Variants in KCNIP4 observed in about 807,000 individuals in gnomAD.
KCNIP4 encodes the protein Kv channel-interacting protein 4.
In KCNIP4, 12 loss-of-function variants were observed where a neutral mutation model predicts 34.0. The observed-to-expected ratio is 0.35, with a 90% CI of 0.23 to 0.57. The LOEUF (loss-of-function observed/expected upper bound fraction) is 0.57. Ranked by LOEUF, KCNIP4 falls within the 20% of genes least tolerant of loss-of-function variation. The pLI, the probability that KCNIP4 is intolerant of heterozygous loss-of-function variation, is 0.83. For synonymous variants in KCNIP4, 124 were observed against 102.2 expected, an observed-to-expected ratio of 1.21 and a Z score of -1.29; for missense variants, 238 against 311.7, an observed-to-expected ratio of 0.76 and a Z score of 1.78.
At chr4:21,578,700 G>A (rs762325420) in intron 1 of KCNIP4, among the ~76,000 whole-genome samples, 35 of 152,250 alleles carry the variant, frequency 2.3e-4, no homozygotes, top group Non-Finnish European at 4.7e-4. Flanking sequence ...TATAATGCTA[G>A]TATTTAATCA....
intron 1 of KCNIP4, among the ~76,000 whole-genome samples, chr4:20,927,171 G>T (rs962189470): frequency 6.6e-6 from 1 of 152,178 alleles, no homozygotes; most frequent in East Asian, 1.9e-4. Context: ...TAGAGACAGG[G>T]TTTTACCATA....
At chr4:21,857,679 T>C (rs980252780) in intron 1 of KCNIP4, among the ~76,000 whole-genome samples, 15 of 152,214 alleles carry the variant, frequency 9.9e-5, no homozygotes, top group African/African-American at 3.4e-4. Flanking sequence ...ATAAAGCTCC[T>C]CTTTGCCTTG....
At chr4:21,841,663 A>C (rs377482562) in intron 1 of KCNIP4, among the ~76,000 whole-genome samples, 20 of 152,300 alleles carry the variant, frequency 1.3e-4, no homozygotes, top group Admixed American at 8.5e-4. Flanking sequence ...GAACCATATG[A>C]AATCTATAGG....
chr4:21,012,079 G>A (rs1560644313), intron 1 of KCNIP4, among the ~76,000 whole-genome samples: 1 of 152,150 alleles, frequency 6.6e-6, no homozygotes, highest in African/African-American at 2.4e-5. Context: ...ATTAAACAAG[G>A]GTGTCCAATT....
chr4:21,371,513 T>C (rs1720450619), intron 1 of KCNIP4, among the ~76,000 whole-genome samples: 1 of 146,990 alleles, frequency 6.8e-6, no homozygotes. Context: ...GCATGATCCC[T>C]AATTTCTTGC....
intron 5 of KCNIP4, 58 bp from the exon 6 acceptor site, chr4:20,734,793 A>AC (rs1560410178): frequency 1.0e-6 from 1 of 981,856 alleles, no homozygotes; most frequent in Non-Finnish European, 1.5e-6. Context: ...AAAAACAAAA[A>AC]AAACAAATGA....
intron 1 of KCNIP4, among the ~76,000 whole-genome samples, chr4:21,226,927 T>G (rs1259176170): frequency 6.6e-6 from 1 of 152,168 alleles, no homozygotes; most frequent in Non-Finnish European, 1.5e-5. Flanking sequence ...TGGGCTAGAT[T>G]ATTAACACCT....
chr4:21,395,581 C>T (rs922912207), intron 1 of KCNIP4, among the ~76,000 whole-genome samples: 18 of 151,954 alleles, frequency 1.2e-4, no homozygotes, highest in Non-Finnish European at 2.5e-4. Context: ...GTTCACAGAC[C>T]TCAGAGAGCA....
At chr4:21,716,650 G>A (rs922554004) in intron 1 of KCNIP4, among the ~76,000 whole-genome samples, 2 of 152,090 alleles carry the variant, frequency 1.3e-5, no homozygotes, top group Admixed American at 1.3e-4. Context: ...TGGTCTGATG[G>A]ACATGTTTAC....
At chr4:21,736,358 T>C (rs1190728639) in intron 1 of KCNIP4, among the ~76,000 whole-genome samples, 2 of 152,170 alleles carry the variant, frequency 1.3e-5, no homozygotes, top group Non-Finnish European at 1.5e-5. Flanking sequence ...TCCTCTGTAC[T>C]GTAGAGAGAT....
At chr4:21,437,892 T>A (rs1053611889) in intron 1 of KCNIP4, among the ~76,000 whole-genome samples, 5 of 146,272 alleles carry the variant, frequency 3.4e-5, no homozygotes, top group Admixed American at 3.4e-4. Context: ...TGTGTGTGTG[T>A]GTGTGTGTGT....
intron 1 of KCNIP4, among the ~76,000 whole-genome samples, chr4:21,385,644 C>T (rs1721960929): frequency 6.6e-6 from 1 of 152,086 alleles, no homozygotes; most frequent in Non-Finnish European, 1.5e-5. Flanking sequence ...AGGATTCAGC[C>T]ACATAAGGAA....
At chr4:21,831,527 T>C (rs914521158) in intron 1 of KCNIP4, among the ~76,000 whole-genome samples, 1 of 151,826 alleles carries the variant, frequency 6.6e-6, no homozygotes, top group Non-Finnish European at 1.5e-5. Context: ...TGAACAATTA[T>C]ACACTAACAA....
chr4:21,945,506 T>C (rs1327728347), intron 1 of KCNIP4, among the ~76,000 whole-genome samples: 3 of 152,188 alleles, frequency 2.0e-5, no homozygotes, highest in Non-Finnish European at 4.4e-5. Flanking sequence ...TTAAAACACA[T>C]GAAACTTAAG....
intron 1 of KCNIP4, among the ~76,000 whole-genome samples, chr4:21,099,583 C>T (rs1747761149): frequency 6.6e-6 from 1 of 151,932 alleles, no homozygotes; most frequent in East Asian, 1.9e-4. Context: ...TGTAACAAAC[C>T]CACATATCCC....
At chr4:21,831,963 C>T (rs2109306357) in intron 1 of KCNIP4, among the ~76,000 whole-genome samples, 1 of 152,092 alleles carries the variant, frequency 6.6e-6, no homozygotes, top group East Asian at 1.9e-4. Context: ...CCAGAAATCC[C>T]TGATGAACCT....
chr4:20,843,228 T>G (rs1719960199), intron 3 of KCNIP4, among the ~76,000 whole-genome samples: 1 of 152,082 alleles, frequency 6.6e-6, no homozygotes, highest in African/African-American at 2.4e-5. Flanking sequence ...AGTGACTGCA[T>G]AAATGAAGGT....
At chr4:21,603,490 G>C (rs182054388) in intron 1 of KCNIP4, among the ~76,000 whole-genome samples, 1 of 152,284 alleles carries the variant, frequency 6.6e-6, no homozygotes, top group Admixed American at 6.5e-5. Flanking sequence ...TTGGCTGGTT[G>C]AGAAATGAAA....
At chr4:21,315,923 A>C (rs764880261) in intron 1 of KCNIP4, among the ~76,000 whole-genome samples, 1 of 152,122 alleles carries the variant, frequency 6.6e-6, no homozygotes, top group Non-Finnish European at 1.5e-5. Flanking sequence ...ACCCCTACCA[A>C]CTTTCCAAGG....
Sources: gnomAD v4.1 joint callset for allele counts (sites outside exome capture counted in the v4.1 genomes callset) on GRCh38, gnomAD v4.1.1 for gene constraint, MANE v1.5 for transcripts, NCBI Gene and HGNC (gene_info 2026-07-23, HGNC 2026-07-21) for gene names.